Variants in GPR158 observed in about 807,000 individuals in gnomAD.
GPR158 encodes the protein metabotropic glycine receptor.
In GPR158, 30 loss-of-function variants were observed where a neutral mutation model predicts 78.2. The observed-to-expected ratio is 0.38, with a 90% confidence interval of 0.29 to 0.52. The LOEUF is 0.52. Among genes scored for constraint, GPR158 ranks in the 20% least tolerant of loss-of-function variants. GPR158 has a pLI of 0.83. For synonymous variants in GPR158, 581 were observed against 591.1 expected, an observed-to-expected ratio of 0.98 and a Z score of 0.25; for missense variants, 1,463 against 1,523.5, an observed-to-expected ratio of 0.96 and a Z score of 0.66.
At chr10:25,475,877 G>T (rs1835577078) in intron 5 of GPR158, 1 of 152,098 alleles carries the variant, frequency 6.6e-6, no homozygotes, top group South Asian at 2.1e-4. Context: ...GATATTCACT[G>T]TTCTTCTGAG....
chr10:25,432,919 A>C (rs1191882270), intron 4 of GPR158, among the ~76,000 whole-genome samples: 3 of 152,230 alleles, frequency 2.0e-5, no homozygotes, highest in African/African-American at 7.2e-5. Flanking sequence ...GTGATAGATA[A>C]TAAAGAAATA....
chr10:25,376,085 A>G (rs1834075371), intron 2 of GPR158, among the ~76,000 whole-genome samples: 1 of 151,606 alleles, frequency 6.6e-6, no homozygotes, highest in Non-Finnish European at 1.5e-5. Flanking sequence ...CAGCATACAG[A>G]TGCCATACAC....
intron 2 of GPR158, among the ~76,000 whole-genome samples, chr10:25,273,901 A>C (rs1588769635): frequency 6.6e-6 from 1 of 152,014 alleles, no homozygotes; most frequent in Non-Finnish European, 1.5e-5. Flanking sequence ...GCTGGTCTCA[A>C]ACTCCTGGAC....
intron 6 of GPR158, among the ~76,000 whole-genome samples, chr10:25,561,963 G>A (rs1313142307): frequency 1.3e-5 from 2 of 151,918 alleles, no homozygotes; most frequent in East Asian, 3.9e-4. Context: ...CCACCAGATG[G>A]CTGAAGATAC....
chr10:25,542,714 C>T (rs1836603445), intron 5 of GPR158, among the ~76,000 whole-genome samples: 1 of 149,104 alleles, frequency 6.7e-6, no homozygotes, highest in African/African-American at 2.5e-5. Context: ...ATCCTGGCTA[C>T]TTGGGAGGCT....
At position 25,596,659 on chromosome 10, in the gene GPR158, A is replaced by G. The variant is rs776947976; in HGVS notation, c.2015A>G (p.Asn672Ser). The G allele has an allele frequency of 3.1e-5, 50 of 1,613,460 alleles. No homozygotes were observed. Among genetic ancestry groups the G allele is most frequent in the Non-Finnish European group, 4.1e-5 (48 of 1,179,632 alleles). Residue 672 changes from asparagine (N) to serine (S), a missense_variant, in exon 10 of 11, where the codon AAT (asparagine) becomes AGT (serine). By Grantham distance (46) the Asn-to-Ser change is conservative (BLOSUM62 1). Coordinates refer to ENST00000376351, the MANE Select transcript of GPR158 (RefSeq NM_020752.3). The part of the protein sequence containing the change: ...LLIPKFSHSS[N>S]NPRDDIATEA... ...TTGTTTCAGTTTTCACATTCAAGCA[A>G]TAACCCACGAGATGATATTGCTACA...
intron 2 of GPR158, among the ~76,000 whole-genome samples, chr10:25,264,561 G>A (rs187841590): frequency 1.6e-3 from 245 of 152,280 alleles, no homozygotes; most frequent in Non-Finnish European, 2.7e-3. Flanking sequence ...AGCAAAAGCT[G>A]CCCAGCTAAA....
intron 3 of GPR158, among the ~76,000 whole-genome samples, chr10:25,409,231 A>G (rs1273502335): frequency 3.3e-5 from 5 of 149,824 alleles, no homozygotes; most frequent in Non-Finnish European, 7.4e-5. Flanking sequence ...CATTAGCACA[A>G]TCCTTTCTTT....
At chr10:25,461,733 CTTTT>C (rs35604549) in intron 4 of GPR158, among the ~76,000 whole-genome samples, 1 of 132,490 alleles carries the variant, frequency 7.5e-6, no homozygotes, top group Admixed American at 7.7e-5. Context: ...CTAGGACTTT[CTTTT>C]TTTTTTTTTT....
chr10:25,559,398 A>G (rs1226282632), intron 6 of GPR158, among the ~76,000 whole-genome samples: 1 of 152,250 alleles, frequency 6.6e-6, no homozygotes, highest in African/African-American at 2.4e-5. Context: ...GTAAATTGAT[A>G]CAGCTCATCT....
intron 2 of GPR158, among the ~76,000 whole-genome samples, chr10:25,375,079 T>G (rs2130556603): frequency 6.6e-6 from 1 of 151,840 alleles, no homozygotes; most frequent in South Asian, 2.1e-4. Context: ...ATTTTAGCCC[T>G]TTTCATAAAT....
chr10:25,223,465 G>A (rs536189411), intron 2 of GPR158, among the ~76,000 whole-genome samples: 5 of 152,264 alleles, frequency 3.3e-5, no homozygotes, highest in Non-Finnish European at 5.9e-5. Flanking sequence ...AGTTTGTGCT[G>A]GTCACTCTAG....
At chr10:25,392,299 G>A (rs1159243855) in intron 2 of GPR158, among the ~76,000 whole-genome samples, 2 of 152,180 alleles carry the variant, frequency 1.3e-5, no homozygotes, top group Non-Finnish European at 2.9e-5. Flanking sequence ...TGCACACAGT[G>A]TGTGGACCCC....
At position 25,503,993 on chromosome 10, in the gene GPR158, C is replaced by T. The variant is rs150174294; in HGVS notation, c.1404+37274C>T. Reference sequence around the variant, plus strand: ...GCAATCTCTACCTCCCAGGTTCAAGCGATTCTCGTGCCTCAGCCTCCCAAG... The same window carrying T: ...GCAATCTCTACCTCCCAGGTTCAAGTGATTCTCGTGCCTCAGCCTCCCAAG... On this transcript the variant is annotated intron_variant, in intron 5 of 10. Coordinates refer to ENST00000376351, the MANE Select transcript of GPR158 (RefSeq NM_020752.3). Among the ~76,000 whole-genome samples, 336 of 151,598 alleles carry T rather than the reference C, an allele frequency of 2.2e-3. 2 individuals are homozygous for T. Among genetic ancestry groups the T allele is most frequent in the African/African-American group, 7.8e-3 (322 of 41,320 alleles).
chr10:25,175,783 C>T lies in GPR158; in HGVS notation c.363C>T (p.Ser121=). 6.2e-7 allele frequency: 1 copy of T among 1,611,536 alleles called. No individual in the cohort carries two copies. The highest frequency in any genetic ancestry group is 8.5e-7 in the Non-Finnish European group (1 of 1,179,966). ...CAGCCCTGGCCAGCGCGCACCCCTCCTTGCACCGGGCGCTGGACACACTGA... is the reference window on the plus strand; with the variant it reads ...CAGCCCTGGCCAGCGCGCACCCCTCTTTGCACCGGGCGCTGGACACACTGA... ...KWPALASAHP[S]LHRALDTLTH... Residue 121 remains serine, a synonymous_variant, in exon 1 of 11, where the codon TCC becomes TCT. Coordinates refer to ENST00000376351, the MANE Select transcript of GPR158 (RefSeq NM_020752.3). The surrounding 1 kb of genome is among the most constrained non-coding windows in gnomAD (Gnocchi z 6.4).
intron 2 of GPR158, among the ~76,000 whole-genome samples, chr10:25,297,559 G>A (rs1854534013): frequency 6.6e-6 from 1 of 152,100 alleles, no homozygotes; most frequent in Non-Finnish European, 1.5e-5. Flanking sequence ...CCTATCACCT[G>A]GGGGTCTTCA....
chr10:25,316,693 G>A (rs1307492130), intron 2 of GPR158, among the ~76,000 whole-genome samples: 1 of 152,058 alleles, frequency 6.6e-6, no homozygotes, highest in Non-Finnish European at 1.5e-5. Flanking sequence ...AACAAGTTGT[G>A]CGATTTTCAA....
intron 8 of GPR158, 34 bp from the exon 9 acceptor site, chr10:25,594,258 C>T: frequency 9.8e-7 from 1 of 1,024,016 alleles, no homozygotes; most frequent in Non-Finnish European, 1.6e-6. Flanking sequence ...GAATCTTAAT[C>T]TTGGATTGTT....
chr10:25,554,748 G>A (rs143122622), intron 6 of GPR158, among the ~76,000 whole-genome samples: 1 of 152,146 alleles, frequency 6.6e-6, no homozygotes, highest in South Asian at 2.1e-4. Flanking sequence ...CCAAGTTGGG[G>A]TTCGGGGTGA....
Sources: allele counts gnomAD v4.1 joint callset (sites outside exome capture counted in the v4.1 genomes callset), GRCh38; gene constraint gnomAD v4.1.1; non-coding constraint Gnocchi (gnomAD v3.1); transcripts MANE v1.5; gene names NCBI Gene and HGNC (gene_info 2026-07-23, HGNC 2026-07-21).